The following PTRH1 variants were observed in gnomAD, a reference collection of about 807,000 sequenced individuals.
PTRH1 encodes the protein peptidyl-tRNA hydrolase.
In PTRH1, 13 loss-of-function variants were observed where a neutral mutation model predicts 15.7. The observed-to-expected ratio is 0.83, with a 90% CI of 0.54 to 1.31. PTRH1 has a LOEUF of 1.31. PTRH1 is among the 40% of genes most tolerant of loss of function. PTRH1 has a pLI of 0.00. For synonymous variants in PTRH1, 139 were observed against 136.7 expected, an observed-to-expected ratio of 1.02 and a Z score of -0.12; for missense variants, 319 against 296.2, an observed-to-expected ratio of 1.08 and a Z score of -0.56.
chr9:127,710,607 A>G (rs200486914), downstream of PTRH1: 124 of 1,582,430 alleles, frequency 7.8e-5, no homozygotes, highest in Non-Finnish European at 1.0e-4. Context: ...CCAGGGGGGA[A>G]GCTGGCAGCC....
rs970465035 is a variant in PTRH1 at position 127,705,550 on chromosome 9, T to C, written c.205+9885A>G. On this transcript the variant is annotated intron_variant, in intron 1 of 2. Transcript: ENST00000335223. The surrounding 1 kb of genome is among the most constrained non-coding windows in gnomAD (Gnocchi z 4.7). ...GTGGGCTCCAGGCTGCCCGAGGGGCTGTGGGCCCCATTAAGCTGGGAATTC... is the reference window on the plus strand; with the variant it reads ...GTGGGCTCCAGGCTGCCCGAGGGGCCGTGGGCCCCATTAAGCTGGGAATTC... 1.3e-5 allele frequency among the ~76,000 whole-genome samples: 2 copies of C among 152,226 alleles called. No homozygotes were observed. Among genetic ancestry groups the C allele is most frequent in the Admixed American group, 1.3e-4 (2 of 15,284 alleles).
intron 1 of PTRH1, chr9:127,695,283 T>C (rs1842549543): frequency 1.7e-6 from 1 of 593,566 alleles, no homozygotes; most frequent in Admixed American, 2.9e-5. Context: ...TATGTCAACA[T>C]GAATAGATCT....
rs58233920 is a variant in PTRH1, at chr9:127,706,059, G to A, written c.205+9376C>T. On this transcript the variant is annotated intron_variant, in intron 1 of 2. Coordinates refer to the PTRH1 transcript ENST00000335223. ...TAAGTGCCCCCAGCATCCCTGGACC[G>A]TATCCCTGCACAGGGAACTTTACAG... Among the ~76,000 whole-genome samples, 1,170 of 152,356 alleles carry A rather than the reference G, an allele frequency of 7.7e-3. 15 individuals are homozygous for A. Among genetic ancestry groups the A allele is most frequent in the African/African-American group, 0.027 (1,102 of 41,578 alleles).
downstream of PTRH1, chr9:127,711,742 G>A (rs1466108007): frequency 1.3e-6 from 2 of 1,488,230 alleles, no homozygotes; most frequent in African/African-American, 1.4e-5. Flanking sequence ...CTGCATAGGG[G>A]AACACGGGAG....
chr9:127,714,053 T>A lies in PTRH1; in HGVS notation c.*47A>T. Reference sequence around the variant, plus strand: ...GGCGTGGCAGCTCTGTGGCAGTGGCTGGGTTGGTGGGCACTACAGTCAGGC... The same window carrying A: ...GGCGTGGCAGCTCTGTGGCAGTGGCAGGGTTGGTGGGCACTACAGTCAGGC... On this transcript the variant is annotated 3_prime_UTR_variant, in exon 5 of 5. Transcript: ENST00000543175. 2 of 1,598,896 alleles carry A rather than the reference T, an allele frequency of 1.3e-6. No homozygotes were observed. Among genetic ancestry groups the A allele is most frequent in the Non-Finnish European group, 1.7e-6 (2 of 1,170,352 alleles).
At chr9:127,714,794 C>A in intron 2 of PTRH1, 92 bp from the exon 3 acceptor site, 1 of 1,177,832 alleles carries the variant, frequency 8.5e-7, no homozygotes, top group East Asian at 2.6e-5. Flanking sequence ...CAACTAATCC[C>A]ACTTCACATA....
chr9:127,715,558 C>G lies in PTRH1; in HGVS notation c.82G>C (p.Gly28Arg), dbSNP rs746881861. 6.2e-7 allele frequency: 1 copy of G among 1,613,560 alleles called. No homozygotes were observed. The highest frequency in any genetic ancestry group is 1.1e-5 in the South Asian group (1 of 91,078). ...ACGCCACTCACCATCCACCGCTTCC[C>G]CGGGGGGCGAGGCTCCAAAACACAT... Reference protein sequence around the residue: ...SRCVLEPRPPGKRWMVAGLGN... With the variant: ...SRCVLEPRPPRKRWMVAGLGN... Residue 28 changes from glycine (G) to arginine (R), a missense_variant, in exon 1 of 5, where the codon GGG becomes CGG. Coordinates refer to ENST00000543175, the MANE Select transcript of PTRH1 (RefSeq NM_001002913.3). The surrounding 1 kb of genome is among the most constrained non-coding windows in gnomAD (Gnocchi z 5.8).
intron 2 of PTRH1, chr9:127,694,905 A>C (rs1842543735): frequency 1.5e-6 from 1 of 688,490 alleles, no homozygotes; most frequent in Admixed American, 2.0e-5. Flanking sequence ...GGTTAGGAGC[A>C]CAGACTTCAG....
At chr9:127,712,839 A>G, downstream of PTRH1, 2 of 1,613,378 alleles carry the variant, frequency 1.2e-6, no homozygotes, top group Non-Finnish European at 1.7e-6. Flanking sequence ...GCGTGTCCCC[A>G]CCAGGAGTCA....
In PTRH1 at chr9:127,708,257, T is replaced by C. The variant is rs534706457; in HGVS notation, c.205+7178A>G. Among the ~76,000 whole-genome samples, 6 of 152,258 alleles carry C rather than the reference T, an allele frequency of 3.9e-5. No individual in the cohort carries two copies. In the East Asian group the frequency reaches 1.2e-3, roughly 29 times the overall value. On this transcript the variant is annotated intron_variant, in intron 1 of 2. Transcript: ENST00000335223. ...ACTTTGGGAGGCCAAGGTGGGCAGA[T>C]CATGAGGTCAGGAGTTCGAGACCAG...
At chr9:127,711,192 T>G (rs1564365941), downstream of PTRH1, 2 of 1,601,684 alleles carry the variant, frequency 1.2e-6, no homozygotes, top group Non-Finnish European at 1.7e-6. Flanking sequence ...TTGTGCCCGC[T>G]CTGTCTGACC....
At chr9:127,700,664 G>C (rs979162270) in intron 1 of PTRH1, among the ~76,000 whole-genome samples, 1 of 152,108 alleles carries the variant, frequency 6.6e-6, no homozygotes, top group Non-Finnish European at 1.5e-5. Context: ...ACAGGACCTC[G>C]GGCCATGGCA....
In PTRH1 at chr9:127,715,593, G is replaced by T; in HGVS notation, c.47C>A (p.Ala16Asp). The change falls in exon 1 of 5, where the codon GCC becomes GAC. Residue 16 changes from alanine (A) to aspartate (D), a missense_variant. Coordinates refer to ENST00000543175, the MANE Select transcript of PTRH1 (RefSeq NM_001002913.3). The surrounding 1 kb of genome is among the most constrained non-coding windows in gnomAD (Gnocchi z 5.8). ...AGGCTCCAAAACACATCGGCTCATGGCTCTACTCAGCCGCTGTCCGGCGCC... is the reference window on the plus strand; with the variant it reads ...AGGCTCCAAAACACATCGGCTCATGTCTCTACTCAGCCGCTGTCCGGCGCC... ...FLGAGQRLSR[A>D]MSRCVLEPRP... 1 of 1,613,126 alleles carries T rather than the reference G, an allele frequency of 6.2e-7. No individual in the cohort carries two copies. Among genetic ancestry groups the T allele is most frequent in the Non-Finnish European group, 8.5e-7 (1 of 1,180,024 alleles).
Position 127,715,500 on chromosome 9 carries a change from G to A in PTRH1, c.96+44C>T, listed in dbSNP as rs763356756. 2 of 1,612,010 alleles carry A rather than the reference G, an allele frequency of 1.2e-6. No individual in the cohort carries two copies. Among genetic ancestry groups the A allele is most frequent in the South Asian group, 1.1e-5 (1 of 91,000 alleles). On this transcript the variant is annotated intron_variant, in intron 1 of 4. Coordinates refer to ENST00000543175, the MANE Select transcript of PTRH1 (RefSeq NM_001002913.3). The surrounding 1 kb of genome is among the most constrained non-coding windows in gnomAD (Gnocchi z 5.8). ...CCCGGGACATAATGGCCGAACTGAA[G>A]CTAGGGACCGGGAGCCCCTACGTCG...
chr9:127,700,220 CCTT>C (rs1003741788), intron 1 of PTRH1, among the ~76,000 whole-genome samples: 11 of 152,218 alleles, frequency 7.2e-5, no homozygotes, highest in Non-Finnish European at 1.0e-4. Flanking sequence ...CCCGCTCCCT[CCTT>C]CTCTCAGCTG....
chr9:127,703,443 AAGAGAG>A (rs758847128), intron 1 of PTRH1, among the ~76,000 whole-genome samples: 1 of 151,572 alleles, frequency 6.6e-6, no homozygotes, highest in Non-Finnish European at 1.5e-5. Flanking sequence ...AAGAGAAAGA[AAGAGAG>A]AGAGAGAGAA....
chr9:127,709,429 C>A, downstream of PTRH1: 1 of 1,613,156 alleles, frequency 6.2e-7, no homozygotes, highest in East Asian at 2.2e-5. The surrounding 1 kb of genome is among the most constrained non-coding windows in gnomAD (Gnocchi z 4.7). Flanking sequence ...CAGGTACCAG[C>A]GGAAGTGGGA....
chr9:127,707,183 G>T lies in PTRH1; in HGVS notation c.205+8252C>A, dbSNP rs756153647. 7 of 1,611,554 alleles carry T rather than the reference G, an allele frequency of 4.3e-6. No individual in the cohort carries two copies. The highest frequency in any genetic ancestry group is 1.3e-5 in the African/African-American group (1 of 74,900). Reference sequence around the variant, plus strand: ...ATCCAGATCCGAGACCTGGAGGACCGGCTAGCCCGGTGCGTGGGCTGGCGG... The same window carrying T: ...ATCCAGATCCGAGACCTGGAGGACCTGCTAGCCCGGTGCGTGGGCTGGCGG... On this transcript the variant is annotated intron_variant, in intron 1 of 2. Coordinates refer to the PTRH1 transcript ENST00000335223.
At chr9:127,713,620 C>T (rs1368670764), downstream of PTRH1, 4 of 448,346 alleles carry the variant, frequency 8.9e-6, no homozygotes, top group African/African-American at 4.1e-5. Context: ...GATTCTCCTG[C>T]CTCAGTCTCC....
Sources: gnomAD v4.1 joint callset for allele counts (sites outside exome capture counted in the v4.1 genomes callset) on GRCh38, gnomAD v4.1.1 for gene constraint, Gnocchi (gnomAD v3.1) non-coding constraint, MANE v1.5 for transcripts, NCBI Gene and HGNC (gene_info 2026-07-23, HGNC 2026-07-21) for gene names.